NXN: variants seen among roughly 807,000 people sequenced by gnomAD.
NXN encodes the protein nucleoredoxin 1.
Under a neutral mutation model 48.6 loss-of-function variants are expected in NXN, and 16 were observed. The ratio of observed to expected loss-of-function variants is 0.33; its 90% CI spans 0.22 to 0.50. NXN has a LOEUF of 0.50. Ranked by LOEUF, NXN falls within the 20% of genes least tolerant of loss-of-function variation. The pLI is 0.98. For missense variants in NXN, 492 were observed against 605.5 expected (o/e 0.81, Z 1.97); for synonymous variants, 281 against 269.6 (o/e 1.04, Z -0.41).
chr17:974,211 C>T (rs916147026), intron 1 of NXN, among the ~76,000 whole-genome samples: 35 of 151,528 alleles, frequency 2.3e-4, no homozygotes, highest in Admixed American at 5.9e-4. Context: ...ATTAGCCAGG[C>T]GTGGTGGTGG....
At chr17:823,839 C>T (rs894331338) in intron 2 of NXN, 74 bp from the exon 3 acceptor site, 81 of 1,513,086 alleles carry the variant, frequency 5.4e-5, no homozygotes, top group South Asian at 3.9e-4. Context: ...GACTTCAGAG[C>T]GGTTAAGACT....
At chr17:883,043 C>T (rs1283037814) in intron 1 of NXN, among the ~76,000 whole-genome samples, 1 of 152,182 alleles carries the variant, frequency 6.6e-6, no homozygotes, top group Admixed American at 6.5e-5. Flanking sequence ...CGTGAGCCCC[C>T]GTCTCCACTA....
At chr17:953,031 A>C (rs2069130136) in intron 1 of NXN, among the ~76,000 whole-genome samples, 1 of 152,158 alleles carries the variant, frequency 6.6e-6, no homozygotes, top group Non-Finnish European at 1.5e-5. Context: ...AGAGCCATGA[A>C]GACCACTTCA....
chr17:812,658 C>CTGTGTGTGTGAG lies in NXN; in HGVS notation c.820+6780_820+6781insCTCACACACACA, dbSNP rs372539041. Among the ~76,000 whole-genome samples the CTGTGTGTGTGAG allele has an allele frequency of 2.6e-4, 28 of 107,988 alleles. No individual in the cohort carries two copies. In the Admixed American group the frequency reaches 2.9e-3, roughly 11 times the overall value. The allele number at this position is 107,988 out of a possible 152,430, so 70.8% of individuals were successfully genotyped here. On this transcript the variant is annotated intron_variant, in intron 5 of 7. Coordinates refer to ENST00000336868, the MANE Select transcript of NXN (RefSeq NM_022463.5). ...TGTGTGTGAGTGTGCATGTGTGTGACTGTAGGTGTGTGTGAGTGTAGGTGT... is the reference window on the plus strand; with the variant it reads ...TGTGTGTGAGTGTGCATGTGTGTGACTGTGTGTGTGAGTGTAGGTGTGTGTGAGTGTAGGTGT...
chr17:965,040 G>A (rs544604495), intron 1 of NXN, among the ~76,000 whole-genome samples: 15 of 152,324 alleles, frequency 9.8e-5, no homozygotes, highest in African/African-American at 3.1e-4. Context: ...TACAAGCTCT[G>A]CGCCTTCTGG....
At chr17:832,326 C>T (rs564899537) in intron 1 of NXN, among the ~76,000 whole-genome samples, 9 of 151,420 alleles carry the variant, frequency 5.9e-5, no homozygotes, top group Admixed American at 1.3e-4. Flanking sequence ...TACAGGTGCC[C>T]GCCACCACAC....
intron 1 of NXN, among the ~76,000 whole-genome samples, chr17:864,339 G>A (rs556113887): frequency 1.1e-4 from 16 of 152,338 alleles, no homozygotes; most frequent in African/African-American, 3.8e-4. Context: ...GTTCTTCAGA[G>A]TGTTGATTCT....
At chr17:915,143 C>G (rs553261501) in intron 1 of NXN, among the ~76,000 whole-genome samples, 1 of 152,108 alleles carries the variant, frequency 6.6e-6, no homozygotes, top group Non-Finnish European at 1.5e-5. Flanking sequence ...ACCATATTGG[C>G]CAGGCTGGCC....
intron 1 of NXN, among the ~76,000 whole-genome samples, chr17:877,750 G>A (rs760257820): frequency 1.1e-4 from 16 of 152,304 alleles, no homozygotes; most frequent in East Asian, 1.9e-4. Flanking sequence ...GAGTTAGAGC[G>A]ACTGAAGAGG....
rs936914898 is a variant in NXN, at chr17:822,392, G to A, written c.678C>T (p.Gly226=). ...VESYRKIKEA[G]QNFEIIFVSA... ...TAACGAAGATGATCTCGAAGTTCTG[G>A]CCTGCCTCCTTGATCTTCCGGTAGG... The change falls in exon 4 of 8, where the codon GGC becomes GGT. Residue 226 remains glycine (G), a synonymous_variant. Transcript: ENST00000336868. 1 of 1,614,100 alleles carries A rather than the reference G, an allele frequency of 6.2e-7. No individual in the cohort carries two copies. Among genetic ancestry groups the A allele is most frequent in the Non-Finnish European group, 8.5e-7 (1 of 1,179,978 alleles).
At position 917,711 on chromosome 17, in the gene NXN, C is replaced by T. The variant is rs1355065893; in HGVS notation, c.360+61608G>A. Among the ~76,000 whole-genome samples the T allele has an allele frequency of 6.6e-6, 1 of 152,188 alleles. No homozygotes were observed. Among genetic ancestry groups the T allele is most frequent in the East Asian group, 1.9e-4 (1 of 5,190 alleles). On this transcript the variant is annotated intron_variant, in intron 1 of 7. Transcript: ENST00000336868. The surrounding 1 kb of genome is among the most constrained non-coding windows in gnomAD (Gnocchi z 4.5). The stretch of plus-strand genomic sequence containing the variant: ...TCCCTACCCAATCCGACCTCCTAGA[C>T]GGACACCCCAGGTTCCAGCCCTACA...
At chr17:806,626 T>A (rs1442636642) in intron 5 of NXN, among the ~76,000 whole-genome samples, 3 of 152,038 alleles carry the variant, frequency 2.0e-5, no homozygotes, top group Non-Finnish European at 4.4e-5. Context: ...AGAGCCTGAA[T>A]TTTATGTGAA....
chr17:872,091 C>G (rs2068160414), intron 1 of NXN, among the ~76,000 whole-genome samples: 1 of 152,072 alleles, frequency 6.6e-6, no homozygotes, highest in Non-Finnish European at 1.5e-5. Context: ...AATGGAAGAA[C>G]CAGGGATGAT....
chr17:944,978 G>A (rs12947175), intron 1 of NXN, among the ~76,000 whole-genome samples: 108,587 of 151,572 alleles, frequency 0.72, 39,582 homozygotes, highest in Middle Eastern at 0.82. Flanking sequence ...AAATGGGGTA[G>A]GATTTTCTAA....
At chr17:952,902 A>G (rs2069128596) in intron 1 of NXN, among the ~76,000 whole-genome samples, 1 of 152,182 alleles carries the variant, frequency 6.6e-6, no homozygotes, top group Non-Finnish European at 1.5e-5. Context: ...TCTGGGAGGA[A>G]TGACGGCCAG....
chr17:891,740 C>CACGACCCA (rs2068419359), intron 1 of NXN, among the ~76,000 whole-genome samples: 1 of 151,454 alleles, frequency 6.6e-6, no homozygotes, highest in Admixed American at 6.6e-5. Flanking sequence ...CCCCACCATG[C>CACGACCCA]ACAGCCCATC....
intron 1 of NXN, among the ~76,000 whole-genome samples, chr17:841,393 C>G (rs544060477): frequency 0.03 from 2,562 of 84,028 alleles, 227 homozygotes; most frequent in African/African-American, 0.1. Context: ...CATCTCACGC[C>G]GGCGAGCAGG....
At chr17:940,022 C>G (rs1001172484) in intron 1 of NXN, among the ~76,000 whole-genome samples, 1 of 151,790 alleles carries the variant, frequency 6.6e-6, no homozygotes, top group Non-Finnish European at 1.5e-5. Context: ...TAGCCTCAAA[C>G]TGCCGGGATC....
At position 854,224 on chromosome 17, in the gene NXN, C is replaced by T. The variant is rs138997961; in HGVS notation, c.361-28146G>A. ...TCTAATTCCCGCTTCCCACCGTACT[C>T]GCTCTTCTCACTAAGGTTTTCTGGA... On this transcript the variant is annotated intron_variant, in intron 1 of 7. Coordinates refer to ENST00000336868, the MANE Select transcript of NXN (RefSeq NM_022463.5). 3.5e-3 allele frequency among the ~76,000 whole-genome samples: 534 copies of T among 152,310 alleles called. 2 individuals carry two copies. Among genetic ancestry groups the T allele is most frequent in the African/African-American group, 0.011 (475 of 41,560 alleles).
Sources: allele counts gnomAD v4.1 joint callset (sites outside exome capture counted in the v4.1 genomes callset), GRCh38; gene constraint gnomAD v4.1.1; non-coding constraint Gnocchi (gnomAD v3.1); transcripts MANE v1.5; gene names NCBI Gene and HGNC (gene_info 2026-07-23, HGNC 2026-07-21).